TASP1: variants seen among roughly 807,000 people sequenced by gnomAD.
The protein encoded by TASP1 is taspase 1.
A neutral mutation model predicts 56.6 loss-of-function variants in TASP1; 16 were observed. The observed-to-expected ratio is 0.28, with a 90% CI of 0.19 to 0.43. TASP1 has a LOEUF of 0.43. TASP1 is among the 20% of genes least tolerant of loss of function. TASP1 has a pLI of 1.00. For missense variants in TASP1, 393 were observed against 511.6 expected, an observed-to-expected ratio of 0.77 and a Z score of 2.24; for synonymous variants, 179 against 184.2, an observed-to-expected ratio of 0.97 and a Z score of 0.23.
chr20:13,221,921 G>T, the TASP1 span: 1 of 1,337,114 alleles, frequency 7.5e-7, no homozygotes, highest in Non-Finnish European at 9.5e-7. Flanking sequence ...GCAGGTGAGT[G>T]CGCCGCCGGA....
intron 4 of TASP1, among the ~76,000 whole-genome samples, chr20:13,606,384 C>T (rs911375346): frequency 1.3e-5 from 2 of 152,048 alleles, no homozygotes; most frequent in South Asian, 2.1e-4. Flanking sequence ...ATAGCATTTC[C>T]CCAGCCATTC....
chr20:13,134,441 C>A, the TASP1 span, among the ~76,000 whole-genome samples: 3 of 152,154 alleles, frequency 2.0e-5, no homozygotes, highest in Non-Finnish European at 2.9e-5. Context: ...CCCCGCATGT[C>A]CCCAGTCATC....
intron 11 of TASP1, among the ~76,000 whole-genome samples, chr20:13,466,604 G>C (rs567008028): frequency 6.6e-6 from 1 of 152,150 alleles, no homozygotes; most frequent in African/African-American, 2.4e-5. Context: ...AGCCAGGCGT[G>C]GTGGCATGCG....
chr20:13,617,044 G>A (rs2048548362), intron 4 of TASP1: 1 of 455,270 alleles, frequency 2.2e-6, no homozygotes, highest in African/African-American at 2.0e-5. Flanking sequence ...TGGGAGAGGT[G>A]ATTTTCTCTG....
chr20:13,199,708 G>A, the TASP1 span, among the ~76,000 whole-genome samples: 597 of 152,278 alleles, frequency 3.9e-3, 7 homozygotes, highest in African/African-American at 0.013. Context: ...TCAGTGAACA[G>A]TTGAATCTTA....
chr20:13,508,190 A>T (rs2044199944), intron 10 of TASP1, among the ~76,000 whole-genome samples: 1 of 148,736 alleles, frequency 6.7e-6, no homozygotes, highest in African/African-American at 2.5e-5. Flanking sequence ...GTTGGAAATG[A>T]TTTTTTTTTT....
chr20:13,612,359 A>G, intron 4 of TASP1, among the ~76,000 whole-genome samples: 1 of 152,156 alleles, frequency 6.6e-6, no homozygotes, highest in East Asian at 1.9e-4. Flanking sequence ...AATACCAGAA[A>G]ACTAATAAAA....
Position 13,491,560 on chromosome 20 carries a change from C to T in TASP1, c.875-8223G>A, listed in dbSNP as rs552216288. ...ACACATTTATAATTGTTTTTAACTT[C>T]AGCTCCAGTGATAGATGCAGCCTTT... On this transcript the variant is annotated intron_variant, in intron 10 of 13. Transcript: ENST00000337743. Among the ~76,000 whole-genome samples, 14 of 152,260 alleles carry T rather than the reference C, an allele frequency of 9.2e-5. No individual in the cohort carries two copies. In the South Asian group the frequency reaches 2.9e-3, roughly 32 times the overall value.
At chr20:13,484,473 G>A (rs931098041) in intron 10 of TASP1, among the ~76,000 whole-genome samples, 6 of 152,048 alleles carry the variant, frequency 3.9e-5, no homozygotes, top group African/African-American at 7.2e-5. Context: ...AGTGGCTCAC[G>A]CCTGTAATCC....
the TASP1 span, among the ~76,000 whole-genome samples, chr20:13,211,667 A>C: frequency 6.6e-6 from 1 of 152,176 alleles, no homozygotes; most frequent in Non-Finnish European, 1.5e-5. Context: ...TCATAATGAG[A>C]GAGCCACATA....
chr20:13,520,261 G>C (rs1479310991), intron 10 of TASP1, among the ~76,000 whole-genome samples: 1 of 151,658 alleles, frequency 6.6e-6, no homozygotes, highest in Admixed American at 6.6e-5. Context: ...TCACAGAATT[G>C]GAAAAAACTA....
At chr20:13,405,084 C>T (rs186813149) in intron 13 of TASP1, among the ~76,000 whole-genome samples, 60 of 152,234 alleles carry the variant, frequency 3.9e-4, no homozygotes, top group African/African-American at 1.4e-3. Flanking sequence ...CAATCCTCAC[C>T]TAATTTTAGA....
At chr20:13,326,981 G>T in the TASP1 span, among the ~76,000 whole-genome samples, 1 of 152,184 alleles carries the variant, frequency 6.6e-6, no homozygotes. Flanking sequence ...GGAAGAGAAA[G>T]AAATAAAGCA....
intron 13 of TASP1, among the ~76,000 whole-genome samples, chr20:13,408,221 G>A (rs1406472912): frequency 6.6e-6 from 1 of 151,986 alleles, no homozygotes; most frequent in Non-Finnish European, 1.5e-5. Flanking sequence ...GATAAATTTT[G>A]AGTTAGTTTT....
At chr20:13,332,215 G>T in the TASP1 span, among the ~76,000 whole-genome samples, 2 of 152,152 alleles carry the variant, frequency 1.3e-5, no homozygotes, top group Non-Finnish European at 2.9e-5. Flanking sequence ...ATCCATACAT[G>T]TGTGTTGGGC....
the TASP1 span, among the ~76,000 whole-genome samples, chr20:13,352,904 A>G: frequency 4.6e-5 from 7 of 152,284 alleles, no homozygotes; most frequent in East Asian, 9.7e-4. Flanking sequence ...TCAATTCCAC[A>G]TGGAGTTCCT....
intron 11 of TASP1, among the ~76,000 whole-genome samples, chr20:13,454,625 C>G (rs1456270591): frequency 6.6e-6 from 1 of 152,144 alleles, no homozygotes; most frequent in Non-Finnish European, 1.5e-5. Context: ...TGGTTACTAA[C>G]CTCGACCTGT....
At position 13,483,235 on chromosome 20, in the gene TASP1, T is replaced by C. The variant is rs141344120; in HGVS notation, c.977A>G (p.Lys326Arg). 1.7e-4 allele frequency: 270 copies of C among 1,578,966 alleles called. 1 individual carries two copies. The African/African-American group carries it at 3.5e-3, about 20-fold the overall frequency. Residue 326 changes from lysine (K) to arginine (R), a missense_variant, in exon 11 of 14, where the codon AAG (lysine) becomes AGG (arginine). Physicochemically the swap from Lys to Arg is conservative, Grantham distance 26. This residue lies in a region of TASP1 where 293 missense variants were observed against 354.2 expected (regional missense o/e 0.83). Coordinates refer to ENST00000337743, the MANE Select transcript of TASP1 (RefSeq NM_017714.3). ...HQALLETMQNKFISSPFLASE... is the reference protein window; with the variant it reads ...HQALLETMQNRFISSPFLASE... ...CTTAATGTTATACTTACTGATAAACTTGTTTTGCATAGTCTCCAACAGGGC... is the reference window on the plus strand; with the variant it reads ...CTTAATGTTATACTTACTGATAAACCTGTTTTGCATAGTCTCCAACAGGGC...
At chr20:13,637,982 C>A (rs1430649456) in intron 1 of TASP1, among the ~76,000 whole-genome samples, 1 of 152,088 alleles carries the variant, frequency 6.6e-6, no homozygotes, top group Non-Finnish European at 1.5e-5. Flanking sequence ...TTAGTTATAA[C>A]CGTATTTTAC....
Sources: gnomAD v4.1 joint callset for allele counts (sites outside exome capture counted in the v4.1 genomes callset) on GRCh38, gnomAD v4.1.1 for gene constraint, gnomAD v4.1.1 regional missense constraint, MANE v1.5 for transcripts, NCBI Gene and HGNC (gene_info 2026-07-23, HGNC 2026-07-21) for gene names.